The following LYPLAL1 variants were observed in gnomAD, a reference collection of about 807,000 sequenced individuals.
LYPLAL1 encodes lysophospholipase like 1.
A neutral mutation model predicts 19.7 loss-of-function variants in LYPLAL1; 23 were observed. The observed-to-expected ratio is 1.17, with a 90% confidence interval of 0.84 to 1.65. The LOEUF is 1.65. Among genes scored for constraint, LYPLAL1 ranks in the 40% most tolerant of loss-of-function variants. LYPLAL1 has a pLI of 0.00. For synonymous variants in LYPLAL1, 119 were observed against 96.3 expected (o/e 1.24, Z -1.38); for missense variants, 355 against 279.4 (o/e 1.27, Z -1.93).
chr1:219,196,056 C>T (rs1657574321), intron 3 of LYPLAL1, among the ~76,000 whole-genome samples: 1 of 152,144 alleles, frequency 6.6e-6, no homozygotes, highest in African/African-American at 2.4e-5. Flanking sequence ...ACATGTACCA[C>T]ATTTTCTTTA....
chr1:219,340,894 A>T, the LYPLAL1 span, among the ~76,000 whole-genome samples: 6 of 152,210 alleles, frequency 3.9e-5, no homozygotes, highest in South Asian at 1.2e-3. Flanking sequence ...TTGTAACAAG[A>T]GAGGGCAATG....
chr1:219,202,502 T>C (rs920379071), intron 3 of LYPLAL1, among the ~76,000 whole-genome samples: 33 of 152,370 alleles, frequency 2.2e-4, no homozygotes, highest in African/African-American at 7.9e-4. Context: ...ATTTTTCTAC[T>C]AGCTTTTATA....
chr1:219,319,963 A>G, the LYPLAL1 span, among the ~76,000 whole-genome samples: 1 of 152,216 alleles, frequency 6.6e-6, no homozygotes, highest in Non-Finnish European at 1.5e-5. Flanking sequence ...TCTGTGACCT[A>G]AACACTAATC....
rs902900236 is a variant in LYPLAL1, at chr1:219,201,196, A to G, written c.361+7945A>G. Among the ~76,000 whole-genome samples the G allele has an allele frequency of 5.3e-5, 8 of 152,326 alleles. No individual in the cohort carries two copies. In the East Asian group the frequency reaches 1.5e-3, roughly 29 times the overall value. Reference sequence around the variant, plus strand: ...TTAATTTGTTATTTTCAATTCCATTATAGTTTGACATAAAAAAACTTTTAA... The same window carrying G: ...TTAATTTGTTATTTTCAATTCCATTGTAGTTTGACATAAAAAAACTTTTAA... On this transcript the variant is annotated intron_variant, in intron 3 of 4. Coordinates refer to ENST00000366928, the MANE Select transcript of LYPLAL1 (RefSeq NM_138794.5).
the LYPLAL1 span, among the ~76,000 whole-genome samples, chr1:219,299,952 A>G: frequency 6.6e-6 from 1 of 152,174 alleles, no homozygotes; most frequent in African/African-American, 2.4e-5. Context: ...TCAACCTACC[A>G]GGGTGAGCAA....
the LYPLAL1 span, among the ~76,000 whole-genome samples, chr1:219,363,182 A>G: frequency 2.6e-5 from 4 of 152,150 alleles, no homozygotes; most frequent in South Asian, 8.3e-4. Flanking sequence ...TATTTAAGTA[A>G]GTTAATCTTC....
intron 3 of LYPLAL1, among the ~76,000 whole-genome samples, chr1:219,201,873 A>G (rs1342951978): frequency 6.6e-6 from 1 of 152,186 alleles, no homozygotes; most frequent in Non-Finnish European, 1.5e-5. Flanking sequence ...GATTCTTCAC[A>G]TACGTTAGTT....
the LYPLAL1 span, among the ~76,000 whole-genome samples, chr1:219,403,268 T>G: frequency 6.6e-6 from 1 of 152,142 alleles, no homozygotes; most frequent in South Asian, 2.1e-4. Flanking sequence ...CATAATATAG[T>G]GGCAGAGACA....
the LYPLAL1 span, among the ~76,000 whole-genome samples, chr1:219,247,890 G>A: frequency 6.9e-3 from 1,042 of 151,900 alleles, 3 homozygotes; most frequent in Non-Finnish European, 0.01. Flanking sequence ...GGTGAGTACA[G>A]GGGAAAAGGG....
At chr1:219,297,826 A>C in the LYPLAL1 span, among the ~76,000 whole-genome samples, 2 of 152,204 alleles carry the variant, frequency 1.3e-5, no homozygotes, top group Non-Finnish European at 2.9e-5. Flanking sequence ...TTTACCAACA[A>C]ACTTTTAGTT....
intron 2 of LYPLAL1, among the ~76,000 whole-genome samples, chr1:219,187,928 G>A (rs1201829148): frequency 6.6e-6 from 1 of 151,730 alleles, no homozygotes; most frequent in Non-Finnish European, 1.5e-5. Context: ...TACTAGTATG[G>A]AAAAGTTTTC....
chr1:219,354,659 G>A, the LYPLAL1 span, among the ~76,000 whole-genome samples: 10,447 of 152,190 alleles, frequency 0.069, 508 homozygotes, highest in South Asian at 0.14. Flanking sequence ...GGAAAACAAC[G>A]CATTATGTAC....
intron 2 of LYPLAL1, among the ~76,000 whole-genome samples, chr1:219,184,421 A>T (rs1045297378): frequency 1.3e-5 from 2 of 151,892 alleles, no homozygotes; most frequent in African/African-American, 4.8e-5. Context: ...TACTTAGTAT[A>T]TTCCTTATGA....
the LYPLAL1 span, among the ~76,000 whole-genome samples, chr1:219,244,014 A>G: frequency 6.6e-6 from 1 of 152,088 alleles, no homozygotes; most frequent in Admixed American, 6.5e-5. Context: ...ACTCACAGAA[A>G]TGTACAAGAG....
At chr1:219,428,792 C>T in the LYPLAL1 span, among the ~76,000 whole-genome samples, 58 of 152,352 alleles carry the variant, frequency 3.8e-4, no homozygotes, top group Non-Finnish European at 5.9e-4. Flanking sequence ...TTCTCTCCAC[C>T]TGGCATGTCA....
At chr1:219,244,130 A>G in the LYPLAL1 span, among the ~76,000 whole-genome samples, 1 of 152,212 alleles carries the variant, frequency 6.6e-6, no homozygotes, top group South Asian at 2.1e-4. Context: ...GGTAGAGTCC[A>G]TAAATGCAAT....
At chr1:219,421,596 C>T in the LYPLAL1 span, among the ~76,000 whole-genome samples, 1 of 152,162 alleles carries the variant, frequency 6.6e-6, no homozygotes, top group Non-Finnish European at 1.5e-5. Context: ...AATTTGAGCA[C>T]TGATTCCAAA....
At chr1:219,417,876 G>A in the LYPLAL1 span, among the ~76,000 whole-genome samples, 1 of 152,256 alleles carries the variant, frequency 6.6e-6, no homozygotes, top group Non-Finnish European at 1.5e-5. Flanking sequence ...ATGGGGCAGT[G>A]CTTAATGGAC....
At chr1:219,261,907 G>A in the LYPLAL1 span, among the ~76,000 whole-genome samples, 2 of 152,210 alleles carry the variant, frequency 1.3e-5, no homozygotes, top group Middle Eastern at 3.4e-3. Context: ...GGCAAGGCCG[G>A]GGAATGTTTG....
Sources: allele counts gnomAD v4.1 joint callset (sites outside exome capture counted in the v4.1 genomes callset), GRCh38; gene constraint gnomAD v4.1.1; transcripts MANE v1.5; gene names NCBI Gene and HGNC (gene_info 2026-07-23, HGNC 2026-07-21).